The following ANKRD42 variants were observed in gnomAD, a reference collection of about 807,000 sequenced individuals.
ANKRD42 encodes the protein ankyrin repeat domain 42.
Under a neutral mutation model 51.5 loss-of-function variants are expected in ANKRD42, and 43 were observed. That is an observed-to-expected ratio of 0.83 (90% confidence interval 0.65 to 1.08). The LOEUF is 1.08. ANKRD42 is among the 50% of genes least tolerant of loss of function. The pLI, the probability that ANKRD42 is intolerant of heterozygous loss-of-function variation, is 0.00. For synonymous variants in ANKRD42, 203 were observed against 213.0 expected (o/e 0.95, Z 0.41); for missense variants, 608 against 629.3 (o/e 0.97, Z 0.36).
At chr11:83,261,960 A>G (rs1591023048), downstream of ANKRD42, 1 of 1,598,592 alleles carries the variant, frequency 6.3e-7, no homozygotes, top group Middle Eastern at 1.7e-4. Context: ...GCAAGTAAAC[A>G]CCGAAGCTGT....
intron 2 of ANKRD42, among the ~76,000 whole-genome samples, chr11:83,201,713 T>G (rs191126474): frequency 6.6e-6 from 1 of 152,254 alleles, no homozygotes; most frequent in Non-Finnish European, 1.5e-5. Context: ...TGTGAGATGG[T>G]ATCTCATTGT....
At chr11:83,243,877 G>A (rs1863462784) in intron 9 of ANKRD42, among the ~76,000 whole-genome samples, 1 of 151,014 alleles carries the variant, frequency 6.6e-6, no homozygotes, top group South Asian at 2.1e-4. Flanking sequence ...TGTTAGCCAG[G>A]ATGGTCTCTA....
intron 7 of ANKRD42, among the ~76,000 whole-genome samples, chr11:83,228,934 GTT>G (rs1001596607): frequency 9.9e-6 from 1 of 101,234 alleles, no homozygotes; most frequent in Non-Finnish European, 2.2e-5. Flanking sequence ...TGTACCTAAA[GTT>G]TTTTTTGTTT....
At chr11:83,245,899 C>T (rs1863527468) in intron 10 of ANKRD42, among the ~76,000 whole-genome samples, 1 of 152,246 alleles carries the variant, frequency 6.6e-6, no homozygotes, top group African/African-American at 2.4e-5. Context: ...CCAGAACTCT[C>T]ATCTTGCAAA....
In ANKRD42 at chr11:83,226,210, T is replaced by TACAC. The variant is rs5793051; in HGVS notation, c.787+1169_787+1172dup. Among the ~76,000 whole-genome samples, 13 of 151,144 alleles carry TACAC rather than the reference T, an allele frequency of 8.6e-5. No homozygotes were observed. The East Asian group carries it at 2.1e-3, about 25-fold the overall frequency. ...ATCTGTACACATACATATGTACACA[T>TACAC]ACACACACACACACACATACACACA... On this transcript the variant is annotated intron_variant, in intron 6 of 10. Coordinates refer to ENST00000533342, the MANE Select transcript of ANKRD42 (RefSeq NM_001300975.2).
chr11:83,198,530 G>A lies in ANKRD42; in HGVS notation c.110G>A (p.Gly37Glu). The change falls in exon 2 of 11, where the codon GGA (glycine) becomes GAA (glutamate). Residue 37 changes from glycine (G) to glutamate (E), a missense_variant. By Grantham distance (98) the Gly-to-Glu change is moderately conservative (BLOSUM62 -2). Coordinates refer to ENST00000533342, the MANE Select transcript of ANKRD42 (RefSeq NM_001300975.2). ...FGSIHDAVRAGDVKQLSEIVV... is the reference protein window; with the variant it reads ...FGSIHDAVRAEDVKQLSEIVV... ...AGCATACATGATGCAGTACGAGCTG[G>A]AGATGTAAAGCAGCTTTCAGAAATA... 1 of 1,613,982 alleles carries A rather than the reference G, an allele frequency of 6.2e-7. No individual in the cohort carries two copies. Among genetic ancestry groups the A allele is most frequent in the South Asian group, 1.1e-5 (1 of 91,062 alleles).
rs1862834268 is a variant in ANKRD42 at position 83,225,051 on chromosome 11, G to A, written c.783G>A (p.Gln261=). The A allele has an allele frequency of 1.9e-6, 3 of 1,609,930 alleles. No individual in the cohort carries two copies. In the Admixed American group the frequency reaches 5.0e-5, roughly 27 times the overall value. Residue 261 remains glutamine, a synonymous_variant, in exon 6 of 11, where the codon CAG becomes CAA. Transcript: ENST00000533342. ...ATGAAGGAAAAGACCTAGAGGATCA[G>A]GAAAGTAAGTAATTAAGTTATATGT... ...AEYEGKDLED[Q]ETLAFPGHVA...
Position 83,236,423 on chromosome 11 carries a change from A to G in ANKRD42, c.933A>G (p.Ile311Met), listed in dbSNP as rs1446336146. The G allele has an allele frequency of 2.5e-6, 4 of 1,610,564 alleles. No homozygotes were observed. The African/African-American group carries it at 5.3e-5, about 22-fold the overall frequency. Residue 311 changes from isoleucine (I) to methionine (M), a missense_variant, in exon 8 of 11, where the codon ATA becomes ATG. Physicochemically the swap from Ile to Met is conservative, Grantham distance 10 (BLOSUM62 1). Coordinates refer to ENST00000533342, the MANE Select transcript of ANKRD42 (RefSeq NM_001300975.2). ...PMHKAAGQGH[I>M]ECLQWLIKMG... is the part of the protein sequence containing the mutation. ...GAACAGCTGCTGGACAAGGCCACATAGAGTGTTTGCAGTGGTTAATTAAAA... is the reference window on the plus strand; with the variant it reads ...GAACAGCTGCTGGACAAGGCCACATGGAGTGTTTGCAGTGGTTAATTAAAA...
At chr11:83,247,815 A>G (rs913208288) in intron 10 of ANKRD42, 128 bp from the exon 11 acceptor site, 2 of 860,454 alleles carry the variant, frequency 2.3e-6, no homozygotes, top group Admixed American at 2.9e-5. Flanking sequence ...CCCTTAATAC[A>G]TATTTGTTGA....
At position 83,232,484 on chromosome 11, in the gene ANKRD42, G is replaced by GT. The variant is rs201935889; in HGVS notation, c.914-3914dup. Among the ~76,000 whole-genome samples, 80 of 152,142 alleles carry GT rather than the reference G, an allele frequency of 5.3e-4. No homozygotes were observed. In the East Asian group the frequency reaches 0.014, roughly 26 times the overall value. On this transcript the variant is annotated intron_variant, in intron 7 of 10. Transcript: ENST00000533342. ...TGAATTTGCTTATCAATTCTAATAG[G>GT]TTTTTTGTGTGGGGTCTTTAGGTTT... is the stretch of plus-strand genomic sequence containing the variant.
intron 9 of ANKRD42, among the ~76,000 whole-genome samples, chr11:83,241,701 C>G (rs997449992): frequency 6.6e-6 from 1 of 152,098 alleles, no homozygotes; most frequent in Non-Finnish European, 1.5e-5. Flanking sequence ...TTTATTTGTT[C>G]ATTTTTCCCC....
chr11:83,194,193 C>T lies in ANKRD42; in HGVS notation c.-478C>T, dbSNP rs1442922707. 6.5e-6 allele frequency: 3 copies of T among 458,620 alleles called. No homozygotes were observed. Among genetic ancestry groups the T allele is most frequent in the Non-Finnish European group, 8.8e-6 (2 of 228,468 alleles). The allele number at this position is 458,620 out of a possible 1,614,324, so 28.4% of individuals were successfully genotyped here. A position where few individuals can be genotyped will look rare whatever the true frequency, so the allele number is the denominator to read the frequency against. On this transcript the variant is annotated 5_prime_UTR_variant, in exon 1 of 11. Transcript: ENST00000533342. ...GTGAAGTTGGAGGCCACCAAACTAC[C>T]GACTCCAGGGGAACAGCCAGAGAAG...
At chr11:83,257,286 G>C, downstream of ANKRD42, 1 of 455,906 alleles carries the variant, frequency 2.2e-6, no homozygotes, top group Non-Finnish European at 4.4e-6. Context: ...TGCCAGGGAA[G>C]CCCAAAACCA....
At chr11:83,227,709 C>A (rs1305110419) in intron 6 of ANKRD42, 38 bp from the exon 7 acceptor site, 4 of 1,581,074 alleles carry the variant, frequency 2.5e-6, no homozygotes, top group Non-Finnish European at 2.6e-6. Flanking sequence ...AGAATAAACT[C>A]TTATGTTTAT....
At chr11:83,251,179 T>C (rs770018384), downstream of ANKRD42, among the ~76,000 whole-genome samples, 13 of 152,276 alleles carry the variant, frequency 8.5e-5, no homozygotes, top group Non-Finnish European at 1.8e-4. Flanking sequence ...CCATATACCT[T>C]GAAAACTGCC....
chr11:83,259,707 G>GTGAC (rs1863846469), downstream of ANKRD42: 1 of 152,162 alleles, frequency 6.6e-6, no homozygotes, highest in South Asian at 2.1e-4. Context: ...CTGGAGTGCA[G>GTGAC]TGACTATTTA....
Position 83,210,452 on chromosome 11 carries a change from T to C in ANKRD42, c.450+33T>C, listed in dbSNP as rs61900275. ...ACTCCTGTTAATATGTGCTAATGTGTGATAATATAGATGGAATAGCATTTG... is the reference window on the plus strand; with the variant it reads ...ACTCCTGTTAATATGTGCTAATGTGCGATAATATAGATGGAATAGCATTTG... On this transcript the variant is annotated intron_variant, in intron 4 of 10. Transcript: ENST00000533342. 5.4e-3 allele frequency: 8,656 copies of C among 1,609,406 alleles called. 31 individuals are homozygous for C. Among genetic ancestry groups the C allele is most frequent in the Non-Finnish European group, 6.4e-3 (7,501 of 1,177,058 alleles).
chr11:83,202,530 G>A (rs941930861), intron 2 of ANKRD42, among the ~76,000 whole-genome samples: 12 of 152,172 alleles, frequency 7.9e-5, no homozygotes, highest in Non-Finnish European at 1.3e-4. Context: ...TGTGAAGAAA[G>A]TCAATGGTAG....
intron 9 of ANKRD42, among the ~76,000 whole-genome samples, chr11:83,242,007 T>C (rs2135551825): frequency 6.6e-6 from 1 of 152,304 alleles, no homozygotes; most frequent in South Asian, 2.1e-4. Context: ...GTAGAATATC[T>C]GCACAGATTT....
Sources: gnomAD v4.1 joint callset for allele counts (sites outside exome capture counted in the v4.1 genomes callset) on GRCh38, gnomAD v4.1.1 for gene constraint, MANE v1.5 for transcripts, NCBI Gene and HGNC (gene_info 2026-07-23, HGNC 2026-07-21) for gene names.